The following IL1RAPL2 variants were observed in gnomAD, a reference collection of about 807,000 sequenced individuals.
IL1RAPL2 encodes interleukin 1 receptor accessory protein like 2.
Under a neutral mutation model 44.1 loss-of-function variants are expected in IL1RAPL2, and 3 were observed. The observed-to-expected ratio is 0.07, with a 90% CI of 0.03 to 0.18. The LOEUF (loss-of-function observed/expected upper bound fraction) is 0.18, where lower values mean the gene tolerates loss of function less well. Among genes scored for constraint, IL1RAPL2 ranks in the 10% least tolerant of loss-of-function variants. The pLI is 1.00. For synonymous variants in IL1RAPL2, 181 were observed against 178.8 expected (o/e 1.01, Z -0.10); for missense variants, 391 against 496.4 (o/e 0.79, Z 2.02).
chrX:104,887,894 C>T (rs1345461573), intron 2 of IL1RAPL2, among the ~76,000 whole-genome samples: 1 of 111,568 alleles, frequency 9.0e-6, no homozygotes, highest in Non-Finnish European at 1.9e-5. Context: ...CCCCAGGGAC[C>T]AGCGCCCAGT....
At chrX:104,620,194 G>T (rs1428112593) in intron 1 of IL1RAPL2, among the ~76,000 whole-genome samples, 1 of 110,879 alleles carries the variant, frequency 9.0e-6, no homozygotes, top group Non-Finnish European at 1.9e-5. Flanking sequence ...CCGGTGAGAA[G>T]TGCATTAAAA....
At chrX:105,147,921 T>C (rs968206492) in intron 2 of IL1RAPL2, among the ~76,000 whole-genome samples, 2 of 111,075 alleles carry the variant, frequency 1.8e-5, no homozygotes, top group African/African-American at 6.6e-5. Context: ...AAAACAAACA[T>C]CTACTATGTT....
At chrX:104,751,343 C>A (rs1932256578) in intron 2 of IL1RAPL2, among the ~76,000 whole-genome samples, 1 of 111,243 alleles carries the variant, frequency 9.0e-6, no homozygotes, top group Non-Finnish European at 1.9e-5. Context: ...AAATCTAGTT[C>A]AGAAAAAACA....
intron 2 of IL1RAPL2, among the ~76,000 whole-genome samples, chrX:105,016,943 C>T (rs772985183): frequency 5.4e-5 from 6 of 111,351 alleles, no homozygotes; most frequent in African/African-American, 1.3e-4. Context: ...CTGTCCGGTC[C>T]TGGACATTTT....
intron 5 of IL1RAPL2, among the ~76,000 whole-genome samples, chrX:105,392,416 T>A (rs2147730928): frequency 9.0e-6 from 1 of 111,706 alleles, no homozygotes; most frequent in Admixed American, 9.5e-5. Flanking sequence ...TTATACACTC[T>A]AATCTTGACC....
chrX:104,857,870 T>A (rs1922403769), intron 2 of IL1RAPL2, among the ~76,000 whole-genome samples: 1 of 111,363 alleles, frequency 9.0e-6, no homozygotes. Context: ...GCCAATAGAA[T>A]CATAGATTCA....
chrX:105,471,899 A>G (rs1241686747), intron 5 of IL1RAPL2, among the ~76,000 whole-genome samples: 1 of 111,815 alleles, frequency 8.9e-6, no homozygotes, highest in Non-Finnish European at 1.9e-5. Context: ...AGATACTCTC[A>G]GAGAAAGTGC....
At chrX:105,439,370 T>G (rs2035903016) in intron 5 of IL1RAPL2, among the ~76,000 whole-genome samples, 1 of 111,147 alleles carries the variant, frequency 9.0e-6, no homozygotes, top group Non-Finnish European at 1.9e-5. Context: ...TGTTTGAGCC[T>G]AAAAGTACAA....
At chrX:105,560,994 G>A (rs2036932244) in intron 6 of IL1RAPL2, among the ~76,000 whole-genome samples, 1 of 111,445 alleles carries the variant, frequency 9.0e-6, no homozygotes, top group Non-Finnish European at 1.9e-5. Flanking sequence ...GGGTGAACAT[G>A]GAGGATATTA....
intron 2 of IL1RAPL2, among the ~76,000 whole-genome samples, chrX:104,889,546 C>A (rs1249447734): frequency 9.0e-6 from 1 of 111,718 alleles, no homozygotes; most frequent in Non-Finnish European, 1.9e-5. Flanking sequence ...GGCACCTGCA[C>A]CTTAGTCTTT....
chrX:104,718,591 C>T (rs1266384040), intron 2 of IL1RAPL2, among the ~76,000 whole-genome samples: 2 of 111,080 alleles, frequency 1.8e-5, no homozygotes, highest in African/African-American at 3.3e-5. Flanking sequence ...CCATGTAAGA[C>T]GTGGCTTGTT....
intron 6 of IL1RAPL2, among the ~76,000 whole-genome samples, chrX:105,692,900 T>C (rs1569466282): frequency 9.0e-6 from 1 of 111,673 alleles, no homozygotes; most frequent in Non-Finnish European, 1.9e-5. Context: ...ATCAGTTATC[T>C]GATAATAAAA....
At chrX:105,029,379 C>T (rs1346276068) in intron 2 of IL1RAPL2, among the ~76,000 whole-genome samples, 3 of 99,921 alleles carry the variant, frequency 3.0e-5, no homozygotes, top group Non-Finnish European at 6.1e-5. Flanking sequence ...TTAGGTATAT[C>T]TCCAAATGCT....
chrX:105,051,289 TG>T (rs1239969118), intron 2 of IL1RAPL2, among the ~76,000 whole-genome samples: 1 of 51,503 alleles, frequency 1.9e-5, no homozygotes, highest in Non-Finnish European at 3.5e-5. Context: ...CTGCAGGGAC[TG>T]GGGGGTCATG....
At chrX:105,447,714 AAT>A (rs1480997217) in intron 5 of IL1RAPL2, among the ~76,000 whole-genome samples, 1 of 84,833 alleles carries the variant, frequency 1.2e-5, no homozygotes, top group Non-Finnish European at 2.1e-5. Flanking sequence ...ATATATTAAA[AAT>A]ATAAATATAT....
chrX:105,062,923 G>C (rs566843843), intron 2 of IL1RAPL2, among the ~76,000 whole-genome samples: 27 of 110,758 alleles, frequency 2.4e-4, no homozygotes, highest in South Asian at 2.3e-3. Flanking sequence ...TTTTCTTTGG[G>C]TTAGATCTCC....
At chrX:105,482,792 A>C (rs142909353) in intron 5 of IL1RAPL2, among the ~76,000 whole-genome samples, 1,942 of 111,286 alleles carry the variant, frequency 0.017, 38 homozygotes, top group African/African-American at 0.059. Flanking sequence ...TAATCATTAT[A>C]GCACAATCCT....
At chrX:105,636,532 A>G (rs2037524577) in intron 6 of IL1RAPL2, among the ~76,000 whole-genome samples, 1 of 111,509 alleles carries the variant, frequency 9.0e-6, no homozygotes, top group Non-Finnish European at 1.9e-5. Context: ...CCCCCACCCC[A>G]GGTGACCCTT....
rs1930696504 is a variant in IL1RAPL2 at position 104,674,458 on chromosome X, T to C, written c.82+15463T>C. On this transcript the variant is annotated intron_variant, in intron 2 of 10. Coordinates refer to ENST00000372582, the MANE Select transcript of IL1RAPL2 (RefSeq NM_017416.2). Reference sequence around the variant, plus strand: ...CCCAGGGATGAAGCCCACTTGATCATGGTGGATAAGCTTTTTGATGTGCTT... The same window carrying C: ...CCCAGGGATGAAGCCCACTTGATCACGGTGGATAAGCTTTTTGATGTGCTT... Among the ~76,000 whole-genome samples, 5 of 112,058 alleles carry C rather than the reference T, an allele frequency of 4.5e-5. No individual in the cohort carries two copies. The Admixed American group carries it at 4.7e-4, about 11-fold the overall frequency.
Sources: gnomAD v4.1 joint callset for allele counts (sites outside exome capture counted in the v4.1 genomes callset) on GRCh38, gnomAD v4.1.1 for gene constraint, MANE v1.5 for transcripts, NCBI Gene and HGNC (gene_info 2026-07-23, HGNC 2026-07-21) for gene names.